DACH1: variants seen among roughly 807,000 people sequenced by gnomAD.
DACH1 encodes dachshund homolog 1.
A neutral mutation model predicts 54.2 loss-of-function variants in DACH1; 12 were observed. The ratio of observed to expected loss-of-function variants is 0.22; its 90% CI spans 0.14 to 0.36. The LOEUF (loss-of-function observed/expected upper bound fraction) is 0.36, where lower values mean the gene tolerates loss of function less well. Among genes scored for constraint, DACH1 ranks in the 10% least tolerant of loss-of-function variants. The pLI is 1.00. For synonymous variants in DACH1, 386 were observed against 366.2 expected (o/e 1.05, Z -0.62); for missense variants, 805 against 929.8 (o/e 0.87, Z 1.75).
intron 10 of DACH1, among the ~76,000 whole-genome samples, chr13:71,465,565 T>G (rs1014749518): frequency 1.3e-5 from 2 of 152,114 alleles, no homozygotes; most frequent in African/African-American, 4.8e-5. Context: ...CTTCTTCAGC[T>G]TTTGTAGTCA....
intron 8 of DACH1, among the ~76,000 whole-genome samples, chr13:71,478,825 T>G (rs1193778235): frequency 6.6e-6 from 1 of 152,202 alleles, no homozygotes; most frequent in Non-Finnish European, 1.5e-5. Flanking sequence ...AACTCAAGTT[T>G]TTCAAAGGGC....
In DACH1 at chr13:71,592,110, C is replaced by T. The variant is rs193274693; in HGVS notation, c.1127-19098G>A. On this transcript the variant is annotated intron_variant, in intron 3 of 10. Transcript: ENST00000613252. ...AAATTCTGTGTAATATAGCAACAAT[C>T]AAAGAGAAGGGCCACATTATCAAAT... 3.6e-3 allele frequency among the ~76,000 whole-genome samples: 548 copies of T among 152,138 alleles called. 1 individual carries two copies. Among genetic ancestry groups the T allele is most frequent in the Non-Finnish European group, 6.2e-3 (423 of 67,992 alleles).
At chr13:71,688,641 C>G (rs916431337) in intron 1 of DACH1, among the ~76,000 whole-genome samples, 1 of 152,148 alleles carries the variant, frequency 6.6e-6, no homozygotes, top group Non-Finnish European at 1.5e-5. Context: ...CCCACACTCA[C>G]CAAAATACAG....
intron 1 of DACH1, among the ~76,000 whole-genome samples, chr13:71,731,785 T>C (rs751759683): frequency 1.2e-4 from 18 of 152,302 alleles, no homozygotes; most frequent in Non-Finnish European, 7.3e-5. Context: ...TTCCCAAATA[T>C]TCTGTCTCTA....
At chr13:71,796,285 T>TG (rs1297311043) in intron 1 of DACH1, among the ~76,000 whole-genome samples, 1 of 152,152 alleles carries the variant, frequency 6.6e-6, no homozygotes, top group African/African-American at 2.4e-5. Flanking sequence ...AAGGGTTCCT[T>TG]CAGATTTCTT....
chr13:71,487,876 T>C (rs1878666868), intron 7 of DACH1, among the ~76,000 whole-genome samples: 1 of 152,096 alleles, frequency 6.6e-6, no homozygotes, highest in Admixed American at 6.6e-5. Flanking sequence ...ATAATATGGG[T>C]GAAATTTAGA....
chr13:71,645,316 T>C (rs1878191237), intron 2 of DACH1, among the ~76,000 whole-genome samples: 1 of 152,220 alleles, frequency 6.6e-6, no homozygotes, highest in Non-Finnish European at 1.5e-5. Context: ...AACTACTTTC[T>C]AGAACGAAAC....
At chr13:71,861,784 C>A (rs1170207251) in intron 1 of DACH1, among the ~76,000 whole-genome samples, 2 of 151,060 alleles carry the variant, frequency 1.3e-5, no homozygotes, top group African/African-American at 4.9e-5. Flanking sequence ...AGAAGTGAAT[C>A]TATATTTATG....
intron 1 of DACH1, among the ~76,000 whole-genome samples, chr13:71,837,139 C>T (rs1359615696): frequency 6.6e-6 from 1 of 151,692 alleles, no homozygotes; most frequent in African/African-American, 2.4e-5. Flanking sequence ...GTAATATTTA[C>T]CTTAAATAAT....
chr13:71,807,788 T>G (rs1227733377), intron 1 of DACH1, among the ~76,000 whole-genome samples: 2 of 152,156 alleles, frequency 1.3e-5, no homozygotes, highest in Non-Finnish European at 1.5e-5. Flanking sequence ...TCCAAATACT[T>G]TAGCAATATC....
At chr13:71,858,771 G>C (rs1193621623) in intron 1 of DACH1, among the ~76,000 whole-genome samples, 1 of 151,194 alleles carries the variant, frequency 6.6e-6, no homozygotes, top group East Asian at 1.9e-4. Flanking sequence ...TCTGTGCCTG[G>C]CTTATTTCAC....
chr13:71,527,371 T>C (rs1264188131), intron 6 of DACH1, among the ~76,000 whole-genome samples: 4 of 152,206 alleles, frequency 2.6e-5, no homozygotes, highest in Non-Finnish European at 5.9e-5. Flanking sequence ...AATTGCCAAA[T>C]GTAAGTCATT....
At chr13:71,752,129 T>C (rs1416019106) in intron 1 of DACH1, among the ~76,000 whole-genome samples, 1 of 152,176 alleles carries the variant, frequency 6.6e-6, no homozygotes, top group Non-Finnish European at 1.5e-5. Context: ...TGGACATTTT[T>C]AAGATTAGCA....
Position 71,598,828 on chromosome 13 carries a change from G to T in DACH1, c.1127-25816C>A, listed in dbSNP as rs1256905345. On this transcript the variant is annotated intron_variant, in intron 3 of 10. Transcript: ENST00000613252. Reference sequence around the variant, plus strand: ...CAACAGACTCTCCCTCGGCGATGGTGAAAATTATGTGGGAAAGATACTCTT... The same window carrying T: ...CAACAGACTCTCCCTCGGCGATGGTTAAAATTATGTGGGAAAGATACTCTT... Among the ~76,000 whole-genome samples, 3 of 152,168 alleles carry T rather than the reference G, an allele frequency of 2.0e-5. No homozygotes were observed. The East Asian group carries it at 5.8e-4, about 29-fold the overall frequency.
chr13:71,712,694 A>G (rs1213727164), intron 1 of DACH1, among the ~76,000 whole-genome samples: 1 of 152,142 alleles, frequency 6.6e-6, no homozygotes, highest in Non-Finnish European at 1.5e-5. Flanking sequence ...AAATTTTTTT[A>G]ATGAAAATGT....
chr13:71,640,504 C>A (rs1566399220), intron 2 of DACH1, among the ~76,000 whole-genome samples: 1 of 152,020 alleles, frequency 6.6e-6, no homozygotes, highest in Non-Finnish European at 1.5e-5. Context: ...TTCTTCTCTG[C>A]ATATCTTGAA....
At chr13:71,691,881 C>T (rs1881494331) in intron 1 of DACH1, among the ~76,000 whole-genome samples, 1 of 152,036 alleles carries the variant, frequency 6.6e-6, no homozygotes, top group South Asian at 2.1e-4. Context: ...TGTTGCAGAG[C>T]ATGGTTGTTG....
At chr13:71,679,094 A>C (rs1264073370) in intron 2 of DACH1, among the ~76,000 whole-genome samples, 1 of 152,198 alleles carries the variant, frequency 6.6e-6, no homozygotes, top group South Asian at 2.1e-4. Flanking sequence ...TGGGTTCAAA[A>C]CATATAGGAA....
intron 1 of DACH1, among the ~76,000 whole-genome samples, chr13:71,789,842 T>C (rs1376563850): frequency 6.6e-6 from 1 of 152,142 alleles, no homozygotes; most frequent in Non-Finnish European, 1.5e-5. Flanking sequence ...TGACTTAGTA[T>C]TCATCTGTAA....
Sources: gnomAD v4.1 joint callset for allele counts (sites outside exome capture counted in the v4.1 genomes callset) on GRCh38, gnomAD v4.1.1 for gene constraint, MANE v1.5 for transcripts, NCBI Gene and HGNC (gene_info 2026-07-23, HGNC 2026-07-21) for gene names.